HTR1F: variants seen among roughly 807,000 people sequenced by gnomAD.
The protein encoded by HTR1F is 5-hydroxytryptamine receptor 1F.
In HTR1F, 17 loss-of-function variants were observed where a neutral mutation model predicts 24.0. That is an observed-to-expected ratio of 0.71 (90% CI 0.48 to 1.06). HTR1F has a LOEUF of 1.06. HTR1F is among the 50% of genes least tolerant of loss of function. HTR1F has a pLI of 0.00. For missense variants in HTR1F, 391 were observed against 427.8 expected, an observed-to-expected ratio of 0.91 and a Z score of 0.76; for synonymous variants, 186 against 156.8, an observed-to-expected ratio of 1.19 and a Z score of -1.39.
intron 2 of HTR1F, among the ~76,000 whole-genome samples, chr3:87,941,604 A>G (rs1271631008): frequency 6.6e-6 from 1 of 152,212 alleles, no homozygotes; most frequent in Non-Finnish European, 1.5e-5. Context: ...TGCCTGGCCA[A>G]ATAGATGGAG....
At chr3:87,977,103 T>C (rs1705411921) in intron 2 of HTR1F, among the ~76,000 whole-genome samples, 1 of 152,194 alleles carries the variant, frequency 6.6e-6, no homozygotes. Flanking sequence ...CCCTTACATA[T>C]TGTAGAATTA....
At chr3:87,847,776 T>G (rs1704979177) in intron 2 of HTR1F, among the ~76,000 whole-genome samples, 1 of 151,832 alleles carries the variant, frequency 6.6e-6, no homozygotes, top group Admixed American at 6.6e-5. Flanking sequence ...TCCCCACATG[T>G]GAGGGAAGGC....
intron 2 of HTR1F, among the ~76,000 whole-genome samples, chr3:87,891,689 T>TGCCAAACC (rs1207067015): frequency 6.6e-6 from 1 of 152,232 alleles, no homozygotes; most frequent in African/African-American, 2.4e-5. Context: ...CATCATTATT[T>TGCCAAACC]CAGGTCAAGT....
intron 1 of HTR1F, among the ~76,000 whole-genome samples, chr3:87,800,972 G>C (rs1420509652): frequency 6.6e-6 from 1 of 152,108 alleles, no homozygotes; most frequent in Non-Finnish European, 1.5e-5. Flanking sequence ...AAAGTATATA[G>C]TCTCACTCAA....
intron 2 of HTR1F, among the ~76,000 whole-genome samples, chr3:87,913,766 G>A (rs1262271332): frequency 1.3e-5 from 2 of 152,132 alleles, no homozygotes; most frequent in Non-Finnish European, 2.9e-5. Flanking sequence ...ACAAAAGAAT[G>A]AGATCATGTC....
intron 1 of HTR1F, among the ~76,000 whole-genome samples, chr3:87,811,667 A>G (rs1392906237): frequency 1.3e-5 from 2 of 152,176 alleles, no homozygotes; most frequent in Non-Finnish European, 2.9e-5. Flanking sequence ...AAGTTTGCCA[A>G]TTTCCATAGT....
At chr3:87,934,250 G>T (rs1434492013) in intron 2 of HTR1F, among the ~76,000 whole-genome samples, 10 of 152,180 alleles carry the variant, frequency 6.6e-5, no homozygotes, top group Non-Finnish European at 1.3e-4. Context: ...AACAGTAAGG[G>T]TTAACACATG....
At chr3:87,946,969 AG>A (rs1427889179) in intron 2 of HTR1F, among the ~76,000 whole-genome samples, 1 of 152,204 alleles carries the variant, frequency 6.6e-6, no homozygotes. Flanking sequence ...AAGGAGCAAT[AG>A]GTCTGTCCCT....
At chr3:87,865,825 G>A (rs900306151) in intron 2 of HTR1F, among the ~76,000 whole-genome samples, 1 of 152,050 alleles carries the variant, frequency 6.6e-6, no homozygotes, top group African/African-American at 2.4e-5. Flanking sequence ...TCTGGTGCAT[G>A]CCTCTTAGTG....
intron 1 of HTR1F, among the ~76,000 whole-genome samples, chr3:87,795,442 C>A (rs1021366225): frequency 5.3e-5 from 8 of 152,174 alleles, no homozygotes; most frequent in African/African-American, 1.7e-4. Flanking sequence ...TAATGTAAAA[C>A]AACATGGACA....
intron 2 of HTR1F, among the ~76,000 whole-genome samples, chr3:87,900,287 T>C (rs1255803345): frequency 6.6e-6 from 1 of 152,180 alleles, no homozygotes; most frequent in African/African-American, 2.4e-5. Context: ...TGGGATATAT[T>C]GGAATGAACT....
chr3:87,942,025 C>G (rs1448569627), intron 2 of HTR1F, among the ~76,000 whole-genome samples: 1 of 152,016 alleles, frequency 6.6e-6, no homozygotes, highest in Non-Finnish European at 1.5e-5. Context: ...AGGCAGAATC[C>G]TTTAGTTCAA....
At chr3:87,910,014 C>T (rs951198176) in intron 2 of HTR1F, among the ~76,000 whole-genome samples, 1 of 151,960 alleles carries the variant, frequency 6.6e-6, no homozygotes, top group Non-Finnish European at 1.5e-5. Flanking sequence ...ATACTTCCTG[C>T]CAAAATTCTA....
At chr3:87,935,872 A>G (rs1387967161) in intron 2 of HTR1F, among the ~76,000 whole-genome samples, 2 of 151,278 alleles carry the variant, frequency 1.3e-5, no homozygotes. Flanking sequence ...TTTTTTTTAG[A>G]TGGAGTCTCG....
At chr3:87,868,335 C>T (rs1439630944) in intron 2 of HTR1F, among the ~76,000 whole-genome samples, 1 of 151,808 alleles carries the variant, frequency 6.6e-6, no homozygotes, top group African/African-American at 2.4e-5. Context: ...TGATTTTTTT[C>T]TCTGATTGAA....
At chr3:87,978,646 G>C (rs1705452230) in intron 2 of HTR1F, among the ~76,000 whole-genome samples, 2 of 151,952 alleles carry the variant, frequency 1.3e-5, no homozygotes, top group African/African-American at 4.8e-5. Context: ...TCCAGGAGTG[G>C]ATAGCTCCTT....
intron 2 of HTR1F, among the ~76,000 whole-genome samples, chr3:87,944,130 AG>A (rs1010880809): frequency 6.6e-6 from 1 of 152,122 alleles, no homozygotes; most frequent in African/African-American, 2.4e-5. Context: ...CCACAAAGAA[AG>A]GGGTCTGGGC....
intron 2 of HTR1F, among the ~76,000 whole-genome samples, chr3:87,830,859 T>C (rs1349236797): frequency 6.6e-6 from 1 of 152,194 alleles, no homozygotes. Flanking sequence ...AAAATCAGTA[T>C]TACTGAAAAA....
chr3:87,862,547 T>C (rs1705339453), intron 2 of HTR1F, among the ~76,000 whole-genome samples: 1 of 152,214 alleles, frequency 6.6e-6, no homozygotes, highest in African/African-American at 2.4e-5. Context: ...GTGTTTCTGC[T>C]GATATAAAGT....
Sources: allele counts gnomAD v4.1 joint callset (sites outside exome capture counted in the v4.1 genomes callset), GRCh38; gene constraint gnomAD v4.1.1; transcripts MANE v1.5; gene names NCBI Gene and HGNC (gene_info 2026-07-23, HGNC 2026-07-21).